FAM20A: variants seen among roughly 807,000 people sequenced by gnomAD.
FAM20A encodes the protein pseudokinase FAM20A.
A neutral mutation model predicts 52.0 loss-of-function variants in FAM20A; 42 were observed. The observed-to-expected ratio is 0.81, with a 90% CI of 0.63 to 1.04. The LOEUF (loss-of-function observed/expected upper bound fraction) is 1.04, where lower values mean the gene tolerates loss of function less well. FAM20A is among the 50% of genes least tolerant of loss of function. The probability of loss-of-function intolerance (pLI) is 0.00; values close to 1 mark genes in which losing one functional copy is unlikely to be tolerated. For synonymous variants in FAM20A, 304 were observed against 298.9 expected (o/e 1.02, Z -0.18); for missense variants, 742 against 712.7 (o/e 1.04, Z -0.47).
At position 68,537,601 on chromosome 17, in the gene FAM20A, C is replaced by T. The variant is rs769671047; in HGVS notation, c.1502G>A (p.Arg501Lys). The T allele has an allele frequency of 9.3e-6, 15 of 1,613,662 alleles. No homozygotes were observed. In the South Asian group the frequency reaches 1.5e-4, roughly 17 times the overall value. The change falls in exon 11 of 11, where the codon AGG (arginine) becomes AAG (lysine). Residue 501 changes from arginine to lysine, a missense_variant. By Grantham distance (26) the Arg-to-Lys change is conservative. Coordinates refer to ENST00000592554, the MANE Select transcript of FAM20A (RefSeq NM_017565.4). This position sits in a 1 kb window ranked among gnomAD's most constrained non-coding sequence, Gnocchi z 4.2. ...CACTGTCCTTAGGATGGTTTGGAGC[C>T]TTCGATCCAGGGCAAGGAGGTGGGG... ...TEPHLLALDR[R>K]LQTILRTVEG...
At chr17:68,579,808 T>A (rs188970154) in intron 1 of FAM20A, among the ~76,000 whole-genome samples, 23 of 152,244 alleles carry the variant, frequency 1.5e-4, no homozygotes, top group African/African-American at 5.1e-4. Context: ...TGCTGGCTCT[T>A]CAATGCTTTG....
intron 1 of FAM20A, among the ~76,000 whole-genome samples, chr17:68,587,247 G>C (rs1369626070): frequency 1.3e-5 from 2 of 152,184 alleles, no homozygotes; most frequent in Non-Finnish European, 2.9e-5. Flanking sequence ...ACCCTTGGCT[G>C]TACAGCTCAC....
intron 1 of FAM20A, chr17:68,558,220 CCAA>C (rs2087109578): frequency 9.9e-6 from 3 of 303,844 alleles, no homozygotes; most frequent in Admixed American, 6.6e-5. Flanking sequence ...CTGAATTCTA[CCAA>C]CAACGAGAAT....
At chr17:68,599,295 T>C (rs2143956367) in intron 1 of FAM20A, among the ~76,000 whole-genome samples, 1 of 152,296 alleles carries the variant, frequency 6.6e-6, no homozygotes, top group South Asian at 2.1e-4. Flanking sequence ...TGTGGTGCGA[T>C]AGTGAACTCT....
intron 10 of FAM20A, among the ~76,000 whole-genome samples, chr17:68,538,843 A>G (rs1273086968): frequency 6.6e-6 from 1 of 152,248 alleles, no homozygotes; most frequent in Non-Finnish European, 1.5e-5. Flanking sequence ...TGAAAAAGAC[A>G]AAACGTTGTG....
chr17:68,578,649 A>G (rs558133520), intron 1 of FAM20A, among the ~76,000 whole-genome samples: 45 of 152,018 alleles, frequency 3.0e-4, no homozygotes, highest in African/African-American at 1.1e-3. Flanking sequence ...ACCAAGGGGA[A>G]GTTTAGACAG....
intron 7 of FAM20A, 152 bp downstream of exon 7, chr17:68,541,833 C>T: frequency 9.9e-6 from 9 of 908,740 alleles, no homozygotes; most frequent in Non-Finnish European, 1.5e-5. Flanking sequence ...AGAACAGACC[C>T]AGGCCTGCTG....
chr17:68,577,551 G>C (rs1287292551), intron 1 of FAM20A, among the ~76,000 whole-genome samples: 1 of 152,186 alleles, frequency 6.6e-6, no homozygotes, highest in Non-Finnish European at 1.5e-5. Context: ...CAATGCAAAG[G>C]ACAGCTCTGC....
intron 4 of FAM20A, among the ~76,000 whole-genome samples, chr17:68,544,208 T>C (rs2086443383): frequency 6.6e-6 from 1 of 151,360 alleles, no homozygotes; most frequent in Non-Finnish European, 1.5e-5. Context: ...AGAAAAGTTC[T>C]GGGTCTTAGG....
chr17:68,536,884 A>G lies in FAM20A; in HGVS notation c.*593T>C, dbSNP rs1257223098. The G allele has an allele frequency of 8.8e-6, 4 of 454,088 alleles. No homozygotes were observed. The highest frequency in any genetic ancestry group is 6.0e-5 in the African/African-American group (3 of 50,102). The allele number at this position is 454,088 out of a possible 1,614,324, so 28.1% of individuals were successfully genotyped here. ...CCCTCTTTTATTTTTGCCACTTGTTATAATATCTCTAAGAAGTTACTCCAG... is the reference window on the plus strand; with the variant it reads ...CCCTCTTTTATTTTTGCCACTTGTTGTAATATCTCTAAGAAGTTACTCCAG... On this transcript the variant is annotated 3_prime_UTR_variant, in exon 11 of 11. Coordinates refer to ENST00000592554, the MANE Select transcript of FAM20A (RefSeq NM_017565.4).
chr17:68,587,214 G>A (rs1024332535), intron 1 of FAM20A, among the ~76,000 whole-genome samples: 9 of 152,104 alleles, frequency 5.9e-5, no homozygotes, highest in African/African-American at 2.2e-4. Flanking sequence ...CAATGTTTTG[G>A]GAGTGTGACA....
chr17:68,540,615 G>A, intron 8 of FAM20A: 1 of 624,564 alleles, frequency 1.6e-6, no homozygotes, highest in Non-Finnish European at 3.0e-6. Flanking sequence ...GCCCGTGGCA[G>A]GGTGAGATGC....
chr17:68,539,341 A>G lies in FAM20A; in HGVS notation c.1357T>C (p.Cys453Arg), dbSNP rs2086191711. 2 of 1,614,250 alleles carry G rather than the reference A, an allele frequency of 1.2e-6. No homozygotes were observed. Among genetic ancestry groups the G allele is most frequent in the Non-Finnish European group, 1.7e-6 (2 of 1,180,036 alleles). ...ISILSPLSQC[C>R]MIKKKTLLHL... ...ATCTGCTGCAGGAAAACTTACATGC[A>G]GCACTGGGAGAGAGGCGAGAGGATG... Residue 453 changes from cysteine (C) to arginine (R), a missense_variant, in exon 10 of 11, where the codon TGC (cysteine) becomes CGC (arginine). Physicochemically the swap from Cys to Arg is radical, Grantham distance 180. Coordinates refer to ENST00000592554, the MANE Select transcript of FAM20A (RefSeq NM_017565.4).
intron 1 of FAM20A, among the ~76,000 whole-genome samples, chr17:68,579,524 T>A (rs16973061): frequency 0.017 from 2,616 of 152,260 alleles, 55 homozygotes; most frequent in African/African-American, 0.06. Flanking sequence ...GTTACTTTGA[T>A]TTTTGAGTTT....
At chr17:68,592,950 C>G (rs1408448550) in intron 1 of FAM20A, among the ~76,000 whole-genome samples, 2 of 152,186 alleles carry the variant, frequency 1.3e-5, no homozygotes, top group African/African-American at 4.8e-5. Flanking sequence ...TCTCCAAAGC[C>G]AGGCTACAGG....
intron 1 of FAM20A, among the ~76,000 whole-genome samples, chr17:68,571,983 CATACATATATATAT>C (rs1568761973): frequency 1.1e-3 from 25 of 22,094 alleles, no homozygotes; most frequent in Admixed American, 1.9e-3. Flanking sequence ...TGTGTATATA[CATACATATATATAT>C]ATATATATAT....
At position 68,600,734 on chromosome 17, in the gene FAM20A, G is replaced by T. The variant is rs2088602775; in HGVS notation, c.-68C>A. On this transcript the variant is annotated 5_prime_UTR_variant, in exon 1 of 11. Coordinates refer to ENST00000592554, the MANE Select transcript of FAM20A (RefSeq NM_017565.4). The surrounding 1 kb of genome is among the most constrained non-coding windows in gnomAD (Gnocchi z 6.2). ...TCCGGGGTCCCGGGAGGGGTCGCGG[G>T]GTGCGGGCAGAAGAGGTGCCTGGAG... The T allele has an allele frequency of 4.7e-6, 7 of 1,493,972 alleles. No individual in the cohort carries two copies. The highest frequency in any genetic ancestry group is 5.3e-6 in the Non-Finnish European group (6 of 1,123,592). 92.5% of individuals were successfully genotyped at this position (1,493,972 alleles called of 1,614,324 possible). A position where few individuals can be genotyped will look rare whatever the true frequency, so the allele number is the denominator to read the frequency against.
Position 68,552,551 on chromosome 17 carries a change from C to T in FAM20A, c.641-600G>A, listed in dbSNP as rs937155907. On this transcript the variant is annotated intron_variant, in intron 3 of 10. Transcript: ENST00000592554. Reference sequence around the variant, plus strand: ...GGCACCTCACTTCTCTTACCCTCTCCCTGGTTCTGGAGGGTCAGGACAATA... The same window carrying T: ...GGCACCTCACTTCTCTTACCCTCTCTCTGGTTCTGGAGGGTCAGGACAATA... Among the ~76,000 whole-genome samples the T allele has an allele frequency of 4.6e-5, 7 of 152,104 alleles. No individual in the cohort carries two copies. The South Asian group carries it at 8.3e-4, about 18-fold the overall frequency.
At chr17:68,538,241 G>A (rs1414845957) in intron 10 of FAM20A, among the ~76,000 whole-genome samples, 6 of 152,178 alleles carry the variant, frequency 3.9e-5, no homozygotes, top group Admixed American at 2.0e-4. Context: ...TAGGATTTCA[G>A]TTTCTTTTTA....
Sources: gnomAD v4.1 joint callset for allele counts (sites outside exome capture counted in the v4.1 genomes callset) on GRCh38, gnomAD v4.1.1 for gene constraint, Gnocchi (gnomAD v3.1) non-coding constraint, MANE v1.5 for transcripts, NCBI Gene and HGNC (gene_info 2026-07-23, HGNC 2026-07-21) for gene names.